Variants in PIGU observed in about 807,000 individuals in gnomAD.
PIGU encodes the protein phosphatidylinositol glycan anchor biosynthesis class U.
A neutral mutation model predicts 49.9 loss-of-function variants in PIGU; 24 were observed. That is an observed-to-expected ratio of 0.48 (90% CI 0.35 to 0.68). The LOEUF is 0.68. Among genes scored for constraint, PIGU ranks in the 30% least tolerant of loss-of-function variants. The pLI, the probability that PIGU is intolerant of heterozygous loss-of-function variation, is 0.01. For synonymous variants in PIGU, 220 were observed against 205.7 expected, an observed-to-expected ratio of 1.07 and a Z score of -0.59; for missense variants, 490 against 532.6, an observed-to-expected ratio of 0.92 and a Z score of 0.79.
chr20:34,578,031 T>C (rs1983309979), intron 10 of PIGU, among the ~76,000 whole-genome samples: 2 of 152,342 alleles, frequency 1.3e-5, no homozygotes, highest in Middle Eastern at 3.4e-3. Context: ...CATTTTGTTG[T>C]TGTCATTAAA....
intron 6 of PIGU, among the ~76,000 whole-genome samples, chr20:34,633,457 C>T (rs1051615037): frequency 2.6e-5 from 4 of 151,708 alleles, no homozygotes; most frequent in Admixed American, 6.6e-5. Flanking sequence ...AGTGAGACCC[C>T]GTCTCAAAAA....
At chr20:34,577,598 C>T (rs1286400227) in intron 10 of PIGU, among the ~76,000 whole-genome samples, 1 of 152,100 alleles carries the variant, frequency 6.6e-6, no homozygotes, top group African/African-American at 2.4e-5. Context: ...TGCCTATAAT[C>T]CCAGCTACTC....
At chr20:34,561,531 A>G (rs1759118614) in intron 11 of PIGU, among the ~76,000 whole-genome samples, 2 of 151,956 alleles carry the variant, frequency 1.3e-5, no homozygotes, top group South Asian at 4.1e-4. Context: ...CTCATCTCCT[A>G]AACAACAGCA....
At chr20:34,637,832 T>A in intron 5 of PIGU, 44 bp downstream of exon 5, 1 of 1,593,444 alleles carries the variant, frequency 6.3e-7, no homozygotes, top group Non-Finnish European at 8.5e-7. Flanking sequence ...CAGATTTTCC[T>A]CGCATTTGTT....
intron 7 of PIGU, among the ~76,000 whole-genome samples, chr20:34,604,000 T>C (rs551790505): frequency 7.2e-5 from 11 of 152,222 alleles, no homozygotes; most frequent in African/African-American, 2.6e-4. Context: ...GGACAGATCT[T>C]ACAATTCCTC....
intron 1 of PIGU, among the ~76,000 whole-genome samples, chr20:34,668,461 C>CAAA (rs1209882512): frequency 0.01 from 211 of 20,930 alleles, 2 homozygotes; most frequent in African/African-American, 0.025. Flanking sequence ...GACTCCGTCT[C>CAAA]AAAAAAAAAA....
At chr20:34,562,357 A>G (rs1982559503) in intron 11 of PIGU, 3 of 1,191,044 alleles carry the variant, frequency 2.5e-6, no homozygotes, top group African/African-American at 1.6e-5. Context: ...GCACTTGGCT[A>G]TGGTCTTGGG....
intron 1 of PIGU, among the ~76,000 whole-genome samples, chr20:34,665,192 ATTTTTTTTTTTTT>A (rs1171497892): frequency 1.0e-4 from 6 of 59,610 alleles, no homozygotes; most frequent in East Asian, 5.4e-4. Context: ...TGTATGGCCA[ATTTTTTTTTTTTT>A]TTTTTTTTTT....
intron 1 of PIGU, among the ~76,000 whole-genome samples, chr20:34,660,345 G>A (rs1804554261): frequency 1.3e-5 from 2 of 152,206 alleles, no homozygotes; most frequent in South Asian, 2.1e-4. Flanking sequence ...AGCACTTTGG[G>A]AGGCCAAGGC....
intron 9 of PIGU, 27 bp from the exon 10 acceptor site, chr20:34,581,699 G>A (rs1311651376): frequency 1.2e-6 from 2 of 1,610,652 alleles, no homozygotes; most frequent in Non-Finnish European, 1.7e-6. Flanking sequence ...GAAAGAGAGA[G>A]AGAGATGAGT....
At chr20:34,585,776 T>G (rs565561263) in intron 8 of PIGU, among the ~76,000 whole-genome samples, 196 bp from the exon 9 acceptor site, 26 of 152,182 alleles carry the variant, frequency 1.7e-4, no homozygotes, top group African/African-American at 6.3e-4. Context: ...AGACATATAA[T>G]GATAACCCAT....
intron 9 of PIGU, among the ~76,000 whole-genome samples, chr20:34,583,209 C>A (rs1206997183): frequency 6.6e-6 from 1 of 152,246 alleles, no homozygotes; most frequent in African/African-American, 2.4e-5. Context: ...AAGAAGCGTC[C>A]AGCTATAGCT....
chr20:34,572,883 A>C (rs1983072422), intron 11 of PIGU, among the ~76,000 whole-genome samples: 1 of 152,248 alleles, frequency 6.6e-6, no homozygotes. Flanking sequence ...ACCTGTGTCT[A>C]TAGCTGTCTA....
chr20:34,668,340 T>A (rs1002721012), intron 1 of PIGU, among the ~76,000 whole-genome samples: 1 of 150,668 alleles, frequency 6.6e-6, no homozygotes, highest in Non-Finnish European at 1.5e-5. Flanking sequence ...CAGGGACCTA[T>A]AATCCCAGCT....
chr20:34,608,747 T>C (rs1193603576), intron 7 of PIGU, among the ~76,000 whole-genome samples: 1 of 152,204 alleles, frequency 6.6e-6, no homozygotes, highest in African/African-American at 2.4e-5. Flanking sequence ...CCACTCACTC[T>C]GGCACTTACA....
chr20:34,663,049 A>G (rs1986976411), intron 1 of PIGU, among the ~76,000 whole-genome samples: 2 of 152,104 alleles, frequency 1.3e-5, no homozygotes, highest in Non-Finnish European at 2.9e-5. Context: ...CTGAGAACAC[A>G]GGCCAATGCC....
intron 6 of PIGU, among the ~76,000 whole-genome samples, chr20:34,617,790 AT>A (rs145567283): frequency 0.057 from 8,698 of 152,176 alleles, 808 homozygotes; most frequent in African/African-American, 0.2. Context: ...CCTCACCCAA[AT>A]CTCAACTTGA....
chr20:34,642,658 T>TA (rs1986203291), intron 4 of PIGU, among the ~76,000 whole-genome samples: 1 of 52,126 alleles, frequency 1.9e-5, no homozygotes, highest in African/African-American at 7.8e-5. Flanking sequence ...ATCTCATATA[T>TA]ATATATATAT....
At chr20:34,635,526 T>C (rs1985929002) in intron 5 of PIGU, among the ~76,000 whole-genome samples, 1 of 152,210 alleles carries the variant, frequency 6.6e-6, no homozygotes, top group South Asian at 2.1e-4. Flanking sequence ...TAGATAGTCA[T>C]AACAAATTGT....
Sources: gnomAD v4.1 joint callset for allele counts (sites outside exome capture counted in the v4.1 genomes callset) on GRCh38, gnomAD v4.1.1 for gene constraint, MANE v1.5 for transcripts, NCBI Gene and HGNC (gene_info 2026-07-23, HGNC 2026-07-21) for gene names.